Variants in SGCD observed in about 807,000 individuals in gnomAD.
SGCD encodes delta-sarcoglycan.
A neutral mutation model predicts 36.6 loss-of-function variants in SGCD; 18 were observed. The observed-to-expected ratio is 0.49, with a 90% CI of 0.34 to 0.73. The LOEUF (loss-of-function observed/expected upper bound fraction) is 0.73. SGCD is among the 30% of genes least tolerant of loss of function. The probability of loss-of-function intolerance (pLI) is 0.01; values close to 1 mark genes in which losing one functional copy is unlikely to be tolerated. For synonymous variants in SGCD, 133 were observed against 130.6 expected, an observed-to-expected ratio of 1.02 and a Z score of -0.12; for missense variants, 387 against 346.7, an observed-to-expected ratio of 1.12 and a Z score of -0.92.
chr5:155,812,015 A>G, the SGCD span, among the ~76,000 whole-genome samples: 6 of 152,248 alleles, frequency 3.9e-5, no homozygotes, highest in African/African-American at 9.6e-5. Context: ...CAGTCTTTCC[A>G]TAATCTATGA....
intron 1 of SGCD, among the ~76,000 whole-genome samples, chr5:155,962,828 A>G (rs754998886): frequency 1.4e-4 from 22 of 152,128 alleles, no homozygotes; most frequent in Non-Finnish European, 2.9e-4. Flanking sequence ...GATTCCCGAT[A>G]AAACCACCAG....
chr5:156,507,438 G>A (rs1301380953), intron 3 of SGCD, among the ~76,000 whole-genome samples: 2 of 152,196 alleles, frequency 1.3e-5, no homozygotes, highest in Non-Finnish European at 2.9e-5. Flanking sequence ...TTAGCCCATT[G>A]TGTCCTGGTC....
At chr5:155,830,672 A>G in the SGCD span, among the ~76,000 whole-genome samples, 1 of 152,218 alleles carries the variant, frequency 6.6e-6, no homozygotes, top group African/African-American at 2.4e-5. Flanking sequence ...TAAAAACCTT[A>G]TGATTATGAA....
At chr5:155,855,344 C>A in the SGCD span, among the ~76,000 whole-genome samples, 5 of 152,230 alleles carry the variant, frequency 3.3e-5, no homozygotes. Context: ...CTCCTTTTGC[C>A]CATGATGATA....
intron 1 of SGCD, among the ~76,000 whole-genome samples, chr5:156,045,507 C>G (rs1759741766): frequency 6.6e-6 from 1 of 152,156 alleles, no homozygotes; most frequent in South Asian, 2.1e-4. Context: ...ACACAGGCAT[C>G]TGATTGTTAT....
intron 3 of SGCD, among the ~76,000 whole-genome samples, chr5:156,269,464 C>T (rs12187758): frequency 0.25 from 24,725 of 98,740 alleles, 2,756 homozygotes; most frequent in Admixed American, 0.35. Context: ...AGTGAGACTC[C>T]GTCTCAAAAA....
At chr5:155,863,947 C>A in the SGCD span, among the ~76,000 whole-genome samples, 5 of 151,838 alleles carry the variant, frequency 3.3e-5, no homozygotes, top group Admixed American at 6.6e-5. Context: ...GGGGGACAGA[C>A]AAATAAACAA....
chr5:156,346,691 A>G (rs1023808289), intron 3 of SGCD, among the ~76,000 whole-genome samples: 3 of 152,196 alleles, frequency 2.0e-5, no homozygotes, highest in Admixed American at 6.5e-5. Context: ...GGTTGTAGGC[A>G]TCCAAGGTAA....
intron 7 of SGCD, among the ~76,000 whole-genome samples, chr5:156,694,333 A>T (rs191281649): frequency 6.6e-6 from 1 of 152,228 alleles, no homozygotes; most frequent in South Asian, 2.1e-4. Flanking sequence ...TTGCCTTGGT[A>T]TTCAGCATTC....
chr5:156,246,908 C>T (rs950680309), intron 3 of SGCD, among the ~76,000 whole-genome samples: 9 of 152,104 alleles, frequency 5.9e-5, no homozygotes, highest in Non-Finnish European at 1.2e-4. Context: ...TGTAATTAAG[C>T]TCCAGTACTA....
upstream of SGCD, among the ~76,000 whole-genome samples, chr5:156,322,051 A>T (rs1580818495): frequency 6.6e-6 from 1 of 151,602 alleles, no homozygotes; most frequent in East Asian, 1.9e-4. Context: ...AGACTACCCC[A>T]CCCTCCACCC....
the SGCD span, among the ~76,000 whole-genome samples, chr5:155,847,398 G>T: frequency 1.3e-5 from 2 of 152,034 alleles, no homozygotes; most frequent in Non-Finnish European, 1.5e-5. Flanking sequence ...TTTTCTTTTT[G>T]ACTTATGGCA....
At chr5:156,491,836 A>G (rs1216555419) in intron 3 of SGCD, among the ~76,000 whole-genome samples, 1 of 152,128 alleles carries the variant, frequency 6.6e-6, no homozygotes, top group Non-Finnish European at 1.5e-5. Flanking sequence ...GATTACCCTG[A>G]GCTCTTTGTA....
chr5:156,582,808 C>T lies in SGCD; in HGVS notation c.295-6423C>T, dbSNP rs138671201. Among the ~76,000 whole-genome samples the T allele has an allele frequency of 3.6e-4, 55 of 151,774 alleles. 1 individual carries two copies. The East Asian group carries it at 8.5e-3, about 23-fold the overall frequency. On this transcript the variant is annotated intron_variant, in intron 4 of 8. Transcript: ENST00000337851. Reference sequence around the variant, plus strand: ...AGACGCACACAGGTGCATGCATGCACGCATGTGCACGCGCACACACACACA... The same window carrying T: ...AGACGCACACAGGTGCATGCATGCATGCATGTGCACGCGCACACACACACA...
At chr5:156,219,806 C>T (rs992421704) in intron 3 of SGCD, among the ~76,000 whole-genome samples, 1 of 152,168 alleles carries the variant, frequency 6.6e-6, no homozygotes, top group African/African-American at 2.4e-5. Flanking sequence ...ATCTCATCTG[C>T]TTCTGTGTAG....
intron 4 of SGCD, among the ~76,000 whole-genome samples, chr5:156,531,981 G>A (rs2113103959): frequency 6.6e-6 from 1 of 151,826 alleles, no homozygotes; most frequent in South Asian, 2.1e-4. Flanking sequence ...ATGGTGACAA[G>A]CGCCTGTAAT....
chr5:155,876,189 T>TCCCTCCC (rs1755764722), intron 1 of SGCD, among the ~76,000 whole-genome samples: 1 of 108,322 alleles, frequency 9.2e-6, no homozygotes, highest in Non-Finnish European at 1.9e-5. Flanking sequence ...CCCAATGCTA[T>TCCCTCCC]CCCTCCCCCC....
At chr5:156,613,562 A>C (rs575037819) in intron 6 of SGCD, among the ~76,000 whole-genome samples, 1 of 152,312 alleles carries the variant, frequency 6.6e-6, no homozygotes, top group East Asian at 1.9e-4. Context: ...CAACTCACTA[A>C]GACAGTGGAT....
At chr5:156,711,802 G>A (rs1755007012) in intron 7 of SGCD, among the ~76,000 whole-genome samples, 1 of 152,170 alleles carries the variant, frequency 6.6e-6, no homozygotes, top group Non-Finnish European at 1.5e-5. Context: ...AAAGAACTCA[G>A]GGCAAGTCCA....
Sources: gnomAD v4.1 joint callset for allele counts (sites outside exome capture counted in the v4.1 genomes callset) on GRCh38, gnomAD v4.1.1 for gene constraint, MANE v1.5 for transcripts, NCBI Gene and HGNC (gene_info 2026-07-23, HGNC 2026-07-21) for gene names.